Variants in NTRK3 observed in about 807,000 individuals in gnomAD.
The protein encoded by NTRK3 is neurotrophic receptor tyrosine kinase 3, also known as NT-3 growth factor receptor.
In NTRK3, 24 loss-of-function variants were observed where a neutral mutation model predicts 91.7. The ratio of observed to expected loss-of-function variants is 0.26; its 90% CI spans 0.19 to 0.37. The LOEUF is 0.37. Among genes scored for constraint, NTRK3 ranks in the 10% least tolerant of loss-of-function variants. NTRK3 has a pLI of 1.00. For missense variants in NTRK3, 880 were observed against 1,068.9 expected, an observed-to-expected ratio of 0.82 and a Z score of 2.46; for synonymous variants, 483 against 404.0, an observed-to-expected ratio of 1.20 and a Z score of -2.34.
At chr15:88,246,879 G>A (rs2052878868) in intron 3 of NTRK3, among the ~76,000 whole-genome samples, 1 of 152,168 alleles carries the variant, frequency 6.6e-6, no homozygotes, top group African/African-American at 2.4e-5. Context: ...CCTGGCTCAG[G>A]AAATGCTCTG....
At chr15:87,956,989 C>T (rs887735910) in intron 14 of NTRK3, among the ~76,000 whole-genome samples, 34 of 152,120 alleles carry the variant, frequency 2.2e-4, no homozygotes, top group African/African-American at 1.9e-4. Flanking sequence ...GCACTGGGGG[C>T]GGAGCAGTGG....
chr15:88,171,587 C>A (rs999528311), intron 5 of NTRK3, among the ~76,000 whole-genome samples: 3 of 152,160 alleles, frequency 2.0e-5, no homozygotes, highest in African/African-American at 7.2e-5. Context: ...TACTGAGTAC[C>A]TACCATGTGC....
exon 19 of NTRK3, chr15:87,868,528 A>G: frequency 1.4e-5 from 3 of 220,000 alleles, no homozygotes; most frequent in Non-Finnish European, 2.7e-5. Context: ...TCCAGACTTC[A>G]GGGTAACGTA....
chr15:87,938,370 G>T (rs989413304), intron 15 of NTRK3, among the ~76,000 whole-genome samples: 5 of 152,150 alleles, frequency 3.3e-5, no homozygotes, highest in African/African-American at 1.2e-4. Context: ...TAACTCAAAA[G>T]GAAGGGTCTT....
intron 5 of NTRK3, among the ~76,000 whole-genome samples, chr15:88,173,493 G>A (rs996614941): frequency 3.3e-5 from 5 of 152,182 alleles, no homozygotes; most frequent in African/African-American, 9.7e-5. Flanking sequence ...CCACCTGCTC[G>A]ATCATCAGGC....
intron 13 of NTRK3, among the ~76,000 whole-genome samples, chr15:88,081,343 C>T (rs1040919339): frequency 6.6e-6 from 1 of 152,126 alleles, no homozygotes; most frequent in Non-Finnish European, 1.5e-5. Context: ...ACCCCAAGTG[C>T]GCCCCTGCCA....
intron 13 of NTRK3, among the ~76,000 whole-genome samples, chr15:88,063,472 T>C (rs1221575810): frequency 6.6e-6 from 1 of 152,232 alleles, no homozygotes; most frequent in African/African-American, 2.4e-5. Context: ...AGGAGGCCTT[T>C]GTGGACAACC....
intron 5 of NTRK3, among the ~76,000 whole-genome samples, chr15:88,162,021 G>C (rs1238095233): frequency 6.6e-6 from 1 of 152,188 alleles, no homozygotes; most frequent in African/African-American, 2.4e-5. Flanking sequence ...GGAAGACAGA[G>C]CTCCAGCTTC....
intron 5 of NTRK3, among the ~76,000 whole-genome samples, chr15:88,158,737 C>T (rs2151416401): frequency 6.6e-6 from 1 of 152,254 alleles, no homozygotes; most frequent in Admixed American, 6.5e-5. Context: ...TGGGCGCTGC[C>T]AGGCAGATGC....
At chr15:87,934,659 C>T (rs921770995) in intron 15 of NTRK3, among the ~76,000 whole-genome samples, 1 of 152,136 alleles carries the variant, frequency 6.6e-6, no homozygotes, top group African/African-American at 2.4e-5. Flanking sequence ...ATGAAAAGGG[C>T]CCTAGACATC....
intron 13 of NTRK3, among the ~76,000 whole-genome samples, chr15:88,058,047 T>G (rs1228437483): frequency 2.0e-5 from 3 of 152,202 alleles, no homozygotes; most frequent in African/African-American, 7.2e-5. Context: ...GCTCGCTCTC[T>G]CTGGGTGAGA....
At chr15:88,034,576 C>G (rs2078901368) in intron 13 of NTRK3, among the ~76,000 whole-genome samples, 1 of 152,204 alleles carries the variant, frequency 6.6e-6, no homozygotes, top group Non-Finnish European at 1.5e-5. Flanking sequence ...AAAGTGCCTG[C>G]TGTGATTTGG....
intron 13 of NTRK3, among the ~76,000 whole-genome samples, chr15:88,120,313 T>A (rs540198276): frequency 6.6e-6 from 1 of 152,318 alleles, no homozygotes; most frequent in South Asian, 2.1e-4. Flanking sequence ...GAAAAAAATG[T>A]TAATAACCCC....
At chr15:88,084,539 C>T (rs1281793156) in intron 13 of NTRK3, among the ~76,000 whole-genome samples, 1 of 152,188 alleles carries the variant, frequency 6.6e-6, no homozygotes, top group African/African-American at 2.4e-5. Flanking sequence ...CTGGTCTGAG[C>T]TCAACTGTGG....
intron 5 of NTRK3, among the ~76,000 whole-genome samples, chr15:88,156,478 C>T (rs2043914402): frequency 6.6e-6 from 1 of 152,120 alleles, no homozygotes; most frequent in African/African-American, 2.4e-5. Flanking sequence ...TTCAGCCCCT[C>T]CCCCTAGCTA....
intron 15 of NTRK3, among the ~76,000 whole-genome samples, chr15:87,934,868 G>T (rs1012862928): frequency 9.8e-5 from 15 of 152,294 alleles, no homozygotes; most frequent in Admixed American, 3.9e-4. Context: ...TGGTCTTCCA[G>T]CCAGAGATCA....
chr15:87,926,578 G>A (rs973190545), intron 17 of NTRK3: 2 of 152,316 alleles, frequency 1.3e-5, no homozygotes, highest in African/African-American at 4.8e-5. Flanking sequence ...ACAGAAATTA[G>A]ATAGATGTAT....
At chr15:88,103,347 C>T (rs769894892) in intron 13 of NTRK3, among the ~76,000 whole-genome samples, 4 of 152,102 alleles carry the variant, frequency 2.6e-5, no homozygotes, top group Non-Finnish European at 5.9e-5. Flanking sequence ...CAACTCCTGC[C>T]TGAGTTCCCA....
intron 3 of NTRK3, among the ~76,000 whole-genome samples, chr15:88,250,230 A>G (rs974002800): frequency 2.1e-4 from 32 of 152,238 alleles, no homozygotes; most frequent in African/African-American, 6.8e-4. Context: ...AGCTGGTAAG[A>G]GAAGCCCCAG....
Sources: gnomAD v4.1 joint callset for allele counts (sites outside exome capture counted in the v4.1 genomes callset) on GRCh38, gnomAD v4.1.1 for gene constraint, MANE v1.5 for transcripts, NCBI Gene and HGNC (gene_info 2026-07-23, HGNC 2026-07-21) for gene names.